Variants in SCFD1 observed in about 807,000 individuals in gnomAD.
The protein encoded by SCFD1 is sec1 family domain containing 1.
A neutral mutation model predicts 103.2 loss-of-function variants in SCFD1; 37 were observed. The ratio of observed to expected loss-of-function variants is 0.36; its 90% CI spans 0.28 to 0.47. The LOEUF is 0.47. SCFD1 is among the 20% of genes least tolerant of loss of function. The pLI is 1.00. For synonymous variants in SCFD1, 264 were observed against 245.0 expected (o/e 1.08, Z -0.73); for missense variants, 639 against 761.2 (o/e 0.84, Z 1.89).
At chr14:30,716,276 A>G (rs1373197974) in intron 20 of SCFD1, among the ~76,000 whole-genome samples, 1 of 152,236 alleles carries the variant, frequency 6.6e-6, no homozygotes, top group Non-Finnish European at 1.5e-5. Context: ...CTATAAATGA[A>G]AAAAGAACCA....
intron 23 of SCFD1, among the ~76,000 whole-genome samples, chr14:30,727,335 G>A (rs1330770534): frequency 6.6e-6 from 1 of 152,218 alleles, no homozygotes; most frequent in Admixed American, 6.5e-5. Flanking sequence ...TCGTTTGTGT[G>A]CATTTCAGAG....
Position 30,638,264 on chromosome 14 carries a change from G to C in SCFD1, c.435+17G>C, listed in dbSNP as rs1338504714. The C allele has an allele frequency of 6.2e-7, 1 of 1,612,668 alleles. No individual in the cohort carries two copies. Among genetic ancestry groups the C allele is most frequent in the African/African-American group, 1.3e-5 (1 of 74,936 alleles). On this transcript the variant is annotated intron_variant, in intron 5 of 24. Transcript: ENST00000458591. ...GTAGCCAAGGTAAGAGAGTTTGGTG[G>C]GTTGATGACATTTTGTCAATGTAAA...
intron 19 of SCFD1, among the ~76,000 whole-genome samples, chr14:30,709,694 A>G (rs1418577370): frequency 1.3e-5 from 2 of 152,196 alleles, no homozygotes; most frequent in Non-Finnish European, 2.9e-5. Flanking sequence ...CACAATAGGA[A>G]GTTTGGGCAC....
intron 23 of SCFD1, among the ~76,000 whole-genome samples, chr14:30,731,069 G>T (rs886406302): frequency 6.6e-6 from 1 of 152,120 alleles, no homozygotes; most frequent in African/African-American, 2.4e-5. Flanking sequence ...TTCTACATAT[G>T]GCTAGCCAGT....
intron 7 of SCFD1, among the ~76,000 whole-genome samples, chr14:30,648,760 A>G (rs1261450346): frequency 6.6e-6 from 1 of 152,150 alleles, no homozygotes; most frequent in Admixed American, 6.5e-5. Flanking sequence ...AGCTGGGAAC[A>G]CAGGCACACA....
chr14:30,712,820 T>C (rs1891982512), intron 19 of SCFD1, among the ~76,000 whole-genome samples: 1 of 152,204 alleles, frequency 6.6e-6, no homozygotes, highest in Non-Finnish European at 1.5e-5. Context: ...ATGTTTTCCA[T>C]TTTATTTCTA....
At chr14:30,712,158 A>ACAT (rs1164598839) in intron 19 of SCFD1, among the ~76,000 whole-genome samples, 2 of 152,074 alleles carry the variant, frequency 1.3e-5, no homozygotes, top group Non-Finnish European at 2.9e-5. Context: ...TATCATTGAT[A>ACAT]CATCTCTCAT....
At chr14:30,719,730 T>C (rs2139404963) in intron 21 of SCFD1, among the ~76,000 whole-genome samples, 1 of 152,192 alleles carries the variant, frequency 6.6e-6, no homozygotes, top group East Asian at 1.9e-4. Flanking sequence ...TTATATTGGA[T>C]ACCAGTTGTT....
At chr14:30,652,544 A>G (rs1412108103) in intron 9 of SCFD1, among the ~76,000 whole-genome samples, 1 of 152,216 alleles carries the variant, frequency 6.6e-6, no homozygotes, top group East Asian at 1.9e-4. Context: ...ACTGTCAAAC[A>G]TTTGTGTAAA....
chr14:30,719,453 A>G, intron 21 of SCFD1, 76 bp downstream of exon 21: 3 of 1,007,832 alleles, frequency 3.0e-6, no homozygotes, highest in Non-Finnish European at 3.0e-6. Flanking sequence ...ATTATATAGT[A>G]CTGCTTATTA....
In SCFD1 at chr14:30,700,169, C is replaced by A. The variant is rs777678067; in HGVS notation, c.1340-19C>A. On this transcript the variant is annotated intron_variant, in intron 15 of 24. Coordinates refer to ENST00000458591, the MANE Select transcript of SCFD1 (RefSeq NM_016106.4). ...CCACAATTATGAAAATATTTTTTAA[C>A]CTCTTTTCCCCTATGCAGCAGGAAC... 1.3e-6 allele frequency: 2 copies of A among 1,561,224 alleles called. No homozygotes were observed. The highest frequency in any genetic ancestry group is 3.4e-5 in the Admixed American group (2 of 58,068).
At chr14:30,683,924 G>C (rs7141161) in intron 14 of SCFD1, among the ~76,000 whole-genome samples, 1 of 151,958 alleles carries the variant, frequency 6.6e-6, no homozygotes, top group Admixed American at 6.6e-5. Flanking sequence ...GCCAAGAAGT[G>C]TCACTCTAGA....
intron 10 of SCFD1, 142 bp from the exon 11 acceptor site, chr14:30,670,114 T>C (rs780815878): frequency 1.2e-5 from 8 of 653,960 alleles, no homozygotes; most frequent in Admixed American, 5.8e-5. Context: ...AAAATTACAT[T>C]TGTATGTAAC....
chr14:30,722,465 T>G (rs544797334), intron 22 of SCFD1, 29 bp from the exon 23 acceptor site: 165 of 1,542,954 alleles, frequency 1.1e-4, no homozygotes, highest in Admixed American at 6.6e-4. Context: ...AAACTGTGTT[T>G]TTTTTTTTTT....
At chr14:30,727,373 A>C (rs1893121787) in intron 23 of SCFD1, among the ~76,000 whole-genome samples, 1 of 152,218 alleles carries the variant, frequency 6.6e-6, no homozygotes, top group African/African-American at 2.4e-5. Flanking sequence ...TGCCTCCCAA[A>C]AGTGGTTCTC....
chr14:30,708,092 T>G, intron 19 of SCFD1, 27 bp downstream of exon 19: 1 of 1,453,750 alleles, frequency 6.9e-7, no homozygotes, highest in Non-Finnish European at 9.7e-7. Context: ...GAAAACATAC[T>G]GGTAACTTTT....
intron 16 of SCFD1, 108 bp from the exon 17 acceptor site, chr14:30,702,188 A>T (rs1891126073): frequency 1.5e-6 from 1 of 679,140 alleles, no homozygotes; most frequent in Non-Finnish European, 2.5e-6. Context: ...GGGTGCCAAG[A>T]ATTTAAACTC....
At position 30,643,344 on chromosome 14, in the gene SCFD1, G is replaced by A. The variant is rs369958696; in HGVS notation, c.552G>A (p.Thr184=). The change falls in exon 7 of 25, where the codon ACG becomes ACA. Residue 184 remains threonine (T), a synonymous_variant. Transcript: ENST00000458591. ...TTAACAGGCCAGATATCACAGACACGGAAATGGAAACTGTTATGGACACTA... is the reference window on the plus strand; with the variant it reads ...TTAACAGGCCAGATATCACAGACACAGAAATGGAAACTGTTATGGACACTA... ...RAINRPDITD[T]EMETVMDTIV... 18 of 1,613,448 alleles carry A rather than the reference G, an allele frequency of 1.1e-5. No individual in the cohort carries two copies. The highest frequency in any genetic ancestry group is 5.3e-5 in the African/African-American group (4 of 74,896).
chr14:30,696,481 A>C (rs1218315575), intron 15 of SCFD1, among the ~76,000 whole-genome samples: 1 of 152,174 alleles, frequency 6.6e-6, no homozygotes, highest in African/African-American at 2.4e-5. Context: ...AAAGATATTT[A>C]AGTAGGATAG....
Sources: gnomAD v4.1 joint callset for allele counts (sites outside exome capture counted in the v4.1 genomes callset) on GRCh38, gnomAD v4.1.1 for gene constraint, MANE v1.5 for transcripts, NCBI Gene and HGNC (gene_info 2026-07-23, HGNC 2026-07-21) for gene names.